TSPEAR: variants seen among roughly 807,000 people sequenced by gnomAD.
TSPEAR encodes the protein thrombospondin type laminin G domain and EAR repeats.
Under a neutral mutation model 71.6 loss-of-function variants are expected in TSPEAR, and 69 were observed. The observed-to-expected ratio is 0.96, with a 90% confidence interval of 0.79 to 1.18. The LOEUF is 1.18. TSPEAR is among the 50% of genes most tolerant of loss of function. The pLI, the probability that TSPEAR is intolerant of heterozygous loss-of-function variation, is 0.00. For missense variants in TSPEAR, 971 were observed against 894.9 expected (o/e 1.09, Z -1.09); for synonymous variants, 402 against 387.2 (o/e 1.04, Z -0.45).
At chr21:44,595,491 T>C (rs769973101) in intron 1 of TSPEAR, among the ~76,000 whole-genome samples, 6 of 152,266 alleles carry the variant, frequency 3.9e-5, no homozygotes, top group Non-Finnish European at 8.8e-5. Context: ...TTATCAACAC[T>C]GAGCCCCAGC....
chr21:44,512,046 A>C (rs1235114106), intron 9 of TSPEAR, among the ~76,000 whole-genome samples: 1 of 152,196 alleles, frequency 6.6e-6, no homozygotes, highest in Non-Finnish European at 1.5e-5. Context: ...GAGGACGGAC[A>C]GGGGAGTTGG....
chr21:44,627,788 C>T (rs782120545), intron 1 of TSPEAR: 1 of 1,599,924 alleles, frequency 6.3e-7, no homozygotes, highest in Non-Finnish European at 8.5e-7. Flanking sequence ...TCTGGGGCTT[C>T]CTCTTTGTGC....
chr21:44,628,137 C>T, intron 1 of TSPEAR: 2 of 1,486,398 alleles, frequency 1.3e-6, no homozygotes, highest in South Asian at 2.5e-5. Context: ...CTCAGCACAG[C>T]TCAACACAGA....
intron 8 of TSPEAR, among the ~76,000 whole-genome samples, chr21:44,523,711 ATCAG>A (rs1305654087): frequency 7.4e-5 from 11 of 149,146 alleles, no homozygotes; most frequent in South Asian, 2.2e-4. Flanking sequence ...GTAGTTAGTC[ATCAG>A]TCAGTCAGTC....
intron 4 of TSPEAR, 102 bp from the exon 5 acceptor site, chr21:44,530,056 C>G: frequency 8.0e-7 from 1 of 1,243,462 alleles, no homozygotes; most frequent in Non-Finnish European, 1.1e-6. Context: ...GGAGGAGGCT[C>G]GGGTGGATGG....
At chr21:44,557,741 T>G in intron 2 of TSPEAR, 2 of 403,602 alleles carry the variant, frequency 5.0e-6, no homozygotes, top group Non-Finnish European at 4.5e-6. Flanking sequence ...ACGCGGCACG[T>G]TGAAGTTCTT....
intron 1 of TSPEAR, chr21:44,681,892 G>T (rs782539058): frequency 6.2e-7 from 1 of 1,614,148 alleles, no homozygotes; most frequent in Non-Finnish European, 8.5e-7. Context: ...GTGCAGGAAG[G>T]CTGGCAGCAC....
At chr21:44,561,978 CA>C (rs1232725813) in intron 2 of TSPEAR, among the ~76,000 whole-genome samples, 1 of 152,114 alleles carries the variant, frequency 6.6e-6, no homozygotes, top group East Asian at 1.9e-4. Context: ...AAATTCTGAA[CA>C]GGGCAATCAG....
intron 9 of TSPEAR, among the ~76,000 whole-genome samples, chr21:44,514,297 C>T (rs587746890): frequency 1.3e-5 from 2 of 152,210 alleles, no homozygotes; most frequent in Non-Finnish European, 1.5e-5. Context: ...GGGCACCTGT[C>T]CCCAGAGTGG....
chr21:44,625,840 T>C (rs1982738753), intron 1 of TSPEAR, among the ~76,000 whole-genome samples: 1 of 152,130 alleles, frequency 6.6e-6, no homozygotes, highest in African/African-American at 2.4e-5. Flanking sequence ...GGACCCACTT[T>C]AGAGACACCC....
intron 1 of TSPEAR, among the ~76,000 whole-genome samples, chr21:44,669,293 C>T (rs587718236): frequency 2.4e-4 from 36 of 152,110 alleles, no homozygotes; most frequent in African/African-American, 6.3e-4. Flanking sequence ...TGTGGTGGCA[C>T]GTGCCTGTAG....
rs2051965526 is a variant in TSPEAR at position 44,498,223 on chromosome 21, A to C, written c.*1560T>G. 1 of 152,320 alleles carries C rather than the reference A, an allele frequency of 6.6e-6. No individual in the cohort carries two copies. The highest frequency in any genetic ancestry group is 2.1e-4 in the South Asian group (1 of 4,836). 9.4% of individuals were successfully genotyped at this position (152,320 alleles called of 1,614,324 possible). On this transcript the variant is annotated 3_prime_UTR_variant, in exon 12 of 12. Coordinates refer to ENST00000323084, the MANE Select transcript of TSPEAR (RefSeq NM_144991.3). ...GGCAAAGGGAAAGGCAGCTTCCTGC[A>C]GGACTCAGCTTTCAGCTTTTTTCTT...
intron 1 of TSPEAR, chr21:44,658,102 G>A (rs782250308): frequency 2.0e-5 from 33 of 1,613,660 alleles, no homozygotes; most frequent in African/African-American, 1.1e-4. Context: ...TGAGCTGCAC[G>A]CGCATTGTGT....
rs149044716 is a variant in TSPEAR, at chr21:44,541,304, C to T, written c.304-7381G>A. On this transcript the variant is annotated intron_variant, in intron 2 of 11. Coordinates refer to ENST00000323084, the MANE Select transcript of TSPEAR (RefSeq NM_144991.3). ...AATTATTGAAGAGTAATTTTGAGCT[C>T]TGAACGCGATTCCATTGTGCCACCT... Among the ~76,000 whole-genome samples, 948 of 152,354 alleles carry T rather than the reference C, an allele frequency of 6.2e-3. 7 individuals are homozygous for T. The highest frequency in any genetic ancestry group is 0.022 in the African/African-American group (897 of 41,578).
intron 1 of TSPEAR, among the ~76,000 whole-genome samples, chr21:44,606,175 A>C (rs1601478690): frequency 6.6e-6 from 1 of 151,566 alleles, no homozygotes; most frequent in Non-Finnish European, 1.5e-5. Context: ...AAAAAAAAAA[A>C]AAAAAAAACT....
chr21:44,636,987 T>A (rs1193142213), intron 1 of TSPEAR, among the ~76,000 whole-genome samples: 5 of 152,108 alleles, frequency 3.3e-5, no homozygotes, highest in African/African-American at 9.7e-5. Context: ...TCTCCCAATC[T>A]CAGCCACGCC....
In TSPEAR at chr21:44,612,841, C is replaced by T. The variant is rs587609925; in HGVS notation, c.83-44836G>A. The stretch of plus-strand genomic sequence containing the variant: ...GCTGCCACCCGGCCTCCTGCCTGTC[C>T]TTCCTCTGCCGCCCCGCGTGCTCCC... On this transcript the variant is annotated intron_variant, in intron 1 of 11. Coordinates refer to ENST00000323084, the MANE Select transcript of TSPEAR (RefSeq NM_144991.3). This position sits in a 1 kb window ranked among gnomAD's most constrained non-coding sequence, Gnocchi z 4.1. The T allele has an allele frequency of 2.5e-6, 4 of 1,612,680 alleles. No individual in the cohort carries two copies. The African/African-American group carries it at 5.3e-5, about 22-fold the overall frequency.
chr21:44,614,636 G>T (rs587655140), intron 1 of TSPEAR, among the ~76,000 whole-genome samples: 1 of 152,180 alleles, frequency 6.6e-6, no homozygotes, highest in African/African-American at 2.4e-5. Context: ...TGGGCTGGGG[G>T]GACCATCACC....
chr21:44,638,242 G>A, intron 1 of TSPEAR: 2 of 1,542,338 alleles, frequency 1.3e-6, no homozygotes, highest in South Asian at 2.5e-5. Context: ...AGCAAGCTCT[G>A]CCCTCTCTGG....
Sources: gnomAD v4.1 joint callset for allele counts (sites outside exome capture counted in the v4.1 genomes callset) on GRCh38, gnomAD v4.1.1 for gene constraint, Gnocchi (gnomAD v3.1) non-coding constraint, MANE v1.5 for transcripts, NCBI Gene and HGNC (gene_info 2026-07-23, HGNC 2026-07-21) for gene names.